TSPOAP1: variants seen among roughly 807,000 people sequenced by gnomAD.
The protein encoded by TSPOAP1 is TSPO associated protein 1.
A neutral mutation model predicts 197.0 loss-of-function variants in TSPOAP1; 87 were observed. The ratio of observed to expected loss-of-function variants is 0.44; its 90% CI spans 0.37 to 0.53. The LOEUF is 0.53. TSPOAP1 is among the 20% of genes least tolerant of loss of function. The pLI is 0.00. For synonymous variants in TSPOAP1, 913 were observed against 998.9 expected (o/e 0.91, Z 1.62); for missense variants, 2,174 against 2,411.3 (o/e 0.90, Z 2.06).
At position 58,327,771 on chromosome 17, in the gene TSPOAP1, C is replaced by A. The variant is rs1003702259; in HGVS notation, c.150G>T (p.Leu50=). The change falls in exon 1 of 32, where the codon CTG becomes CTT. Residue 50 remains leucine (L), a synonymous_variant. Coordinates refer to ENST00000343736, the MANE Select transcript of TSPOAP1 (RefSeq NM_004758.4). ...CCTCAGACCTCAGTTCTTGAAGCTG[C>A]AGAGCTGCCGGAGGAGTATCAGCGA... ...PSIADTPPAA[L]QLQELRSEES... is the part of the protein sequence containing the mutation. The A allele has an allele frequency of 6.2e-7, 1 of 1,614,206 alleles. No homozygotes were observed. The highest frequency in any genetic ancestry group is 8.5e-7 in the Non-Finnish European group (1 of 1,180,046).
Position 58,316,152 on chromosome 17 carries a change from G to T in TSPOAP1, c.1989-20C>A. On this transcript the variant is annotated intron_variant, in intron 15 of 31. Coordinates refer to ENST00000343736, the MANE Select transcript of TSPOAP1 (RefSeq NM_004758.4). ...TTGTAGCTGTTAGGGGAGGCACAGA[G>T]GAGGAGGAGGAGAGTGACCTACACT... 7.1e-7 allele frequency: 1 copy of T among 1,407,006 alleles called. No homozygotes were observed. The highest frequency in any genetic ancestry group is 2.4e-5 in the East Asian group (1 of 41,292). The allele number at this position is 1,407,006 out of a possible 1,614,324, so 87.2% of individuals were successfully genotyped here.
Position 58,307,924 on chromosome 17 carries a change from C to T in TSPOAP1, c.4749G>A (p.Glu1583=). 6.2e-7 allele frequency: 1 copy of T among 1,612,468 alleles called. No homozygotes were observed. Among genetic ancestry groups the T allele is most frequent in the Non-Finnish European group, 8.5e-7 (1 of 1,179,602 alleles). ...EPLSRATETG[E]ARGQDGSGRR... ...GCCCAGAGCCGTCCTGCCCTCTGGC[C>T]TCTCCGGTCTCTGTTGCCTGCAAAA... The change falls in exon 23 of 32, where the codon GAG becomes GAA. Residue 1583 remains glutamate (E), a synonymous_variant. Coordinates refer to ENST00000343736, the MANE Select transcript of TSPOAP1 (RefSeq NM_004758.4).
chr17:58,320,301 G>A (rs965606200), intron 11 of TSPOAP1, among the ~76,000 whole-genome samples, 172 bp from the exon 12 acceptor site: 1 of 152,096 alleles, frequency 6.6e-6, no homozygotes, highest in Non-Finnish European at 1.5e-5. Flanking sequence ...AGCCTCTGGG[G>A]GTGGCAGCAA....
rs2144042107 is a variant in TSPOAP1, at chr17:58,310,023, T to G, written c.3835A>C (p.Thr1279Pro). Residue 1279 changes from threonine to proline, a missense_variant, in exon 21 of 32, where the codon ACT (threonine) becomes CCT (proline). By Grantham distance (38) the Thr-to-Pro change is conservative (BLOSUM62 -1). Around this residue, in one of 5 missense-constraint regions of TSPOAP1, gnomAD observed 1,933 missense variants for 2,139.0 expected, o/e 0.90. Transcript: ENST00000343736. ...EEEEEELGSRTCSFQKQVAGN... is the reference protein window; with the variant it reads ...EEEEEELGSRPCSFQKQVAGN... ...GCAACCTGCTTCTGGAAGGAGCAAG[T>G]CCTGGAACCCAGCTCCTCTTCCTCC... 6.2e-7 allele frequency: 1 copy of G among 1,613,708 alleles called. No homozygotes were observed. The highest frequency in any genetic ancestry group is 8.5e-7 in the Non-Finnish European group (1 of 1,179,972).
intron 10 of TSPOAP1, among the ~76,000 whole-genome samples, chr17:58,321,739 G>T (rs2526379): frequency 0.12 from 18,735 of 152,160 alleles, 1,456 homozygotes; most frequent in Non-Finnish European, 0.17. Context: ...TGCTCCCACA[G>T]TCCACCCTCC....
At chr17:58,320,879 C>T (rs1263818400) in intron 10 of TSPOAP1, among the ~76,000 whole-genome samples, 2 of 152,114 alleles carry the variant, frequency 1.3e-5, no homozygotes, top group African/African-American at 4.8e-5. Context: ...TCCCCCCTAC[C>T]TCTCTGGATG....
intron 25 of TSPOAP1, 149 bp from the exon 26 acceptor site, chr17:58,306,562 A>G: frequency 1.1e-6 from 1 of 937,940 alleles, no homozygotes; most frequent in Non-Finnish European, 1.6e-6. Context: ...GCCCCACCCA[A>G]CCTCCAGGAC....
Position 58,311,684 on chromosome 17 carries a change from C to T in TSPOAP1, c.2968G>A (p.Gly990Arg), listed in dbSNP as rs760032071. ...ATGATCAAGATCCCAGGGGAGGGCC[C>T]AGGCTCGATCTGCACATCCAGAGGG... ...DAPLDVQIEP[G>R]PSPGILIISW... The change falls in exon 18 of 32, where the codon GGG becomes AGG. Residue 990 changes from glycine to arginine, a missense_variant. By Grantham distance (125) the Gly-to-Arg change is moderately radical. Coordinates refer to ENST00000343736, the MANE Select transcript of TSPOAP1 (RefSeq NM_004758.4). The T allele has an allele frequency of 6.9e-6, 11 of 1,602,166 alleles. No homozygotes were observed. In the East Asian group the frequency reaches 2.5e-4, roughly 36 times the overall value.
In TSPOAP1 at chr17:58,308,831, C is replaced by T; in HGVS notation, c.4441G>A (p.Ala1481Thr). The T allele has an allele frequency of 6.2e-7, 1 of 1,612,122 alleles. No homozygotes were observed. ...CAGCTGGCCAGGCCAGGCTCCAGCG[C>T]CCGGCCACGGGAGCACCTCCGGGAA... ...GPSRRCSRGR[A>T]LEPGLASCLS... Residue 1481 changes from alanine to threonine, a missense_variant, in exon 22 of 32, where the codon GCG becomes ACG. Ala to Thr is a moderately conservative substitution (Grantham distance 58). This residue lies in a region of TSPOAP1 where 1,933 missense variants were observed against 2,139.0 expected (regional missense o/e 0.90). Coordinates refer to ENST00000343736, the MANE Select transcript of TSPOAP1 (RefSeq NM_004758.4).
At chr17:58,306,294 C>CA (rs1567838273) in intron 26 of TSPOAP1, 48 bp downstream of exon 26, 5 of 1,507,668 alleles carry the variant, frequency 3.3e-6, no homozygotes, top group African/African-American at 1.4e-5. Context: ...GCCACCCCAC[C>CA]GCACACACAT....
At position 58,310,877 on chromosome 17, in the gene TSPOAP1, C is replaced by G. The variant is rs2680704; in HGVS notation, c.3418G>C (p.Ala1140Pro). ...APPASPSREM[A>P]KGSHEDPPAP... ...GGAGGGTCCTCGTGGGACCCTTTTG[C>G]CATCTCTCTGGAAGGGCTTGCAGGG... is the stretch of plus-strand genomic sequence containing the variant. Residue 1140 changes from alanine (A) to proline (P), a missense_variant, in exon 19 of 32, where the codon GCA (alanine) becomes CCA (proline). Ala to Pro is a conservative substitution (Grantham distance 27, BLOSUM62 -1). This residue lies in a region of TSPOAP1 where 1,933 missense variants were observed against 2,139.0 expected (regional missense o/e 0.90). Coordinates refer to ENST00000343736, the MANE Select transcript of TSPOAP1 (RefSeq NM_004758.4). 0.29 allele frequency: 444,872 copies of G among 1,535,796 alleles called. 65,323 individuals carry two copies. The highest frequency in any genetic ancestry group is 0.3 in the Non-Finnish European group (342,615 of 1,144,990).
Position 58,310,638 on chromosome 17 carries a change from G to C in TSPOAP1, c.3573C>G (p.Ala1191=), listed in dbSNP as rs61745775. 6.2e-7 allele frequency: 1 copy of C among 1,613,072 alleles called. No homozygotes were observed. Among genetic ancestry groups the C allele is most frequent in the South Asian group, 1.1e-5 (1 of 91,072 alleles). The change falls in exon 20 of 32, where the codon GCC becomes GCG. Residue 1191 remains alanine (A), a synonymous_variant. Coordinates refer to ENST00000343736, the MANE Select transcript of TSPOAP1 (RefSeq NM_004758.4). ...GACAGGCCTCTCCTGCAGTCCACTC[G>C]GCCTCCTGCTTGGCCAGTGAGGGAG... ...PAAPSLAKQE[A]EWTAGEACPA...
At position 58,322,464 on chromosome 17, in the gene TSPOAP1, G is replaced by A. The variant is rs1385775950; in HGVS notation, c.1318-52C>T. On this transcript the variant is annotated intron_variant, in intron 9 of 31. Coordinates refer to ENST00000343736, the MANE Select transcript of TSPOAP1 (RefSeq NM_004758.4). This position sits in a 1 kb window ranked among gnomAD's most constrained non-coding sequence, Gnocchi z 5.0. The stretch of plus-strand genomic sequence containing the variant: ...CAGAGCCCCTACTTGGCCATTTCTA[G>A]AGAAGATCTAAGATGAGGAAGCCTC... 1.9e-6 allele frequency: 3 copies of A among 1,590,522 alleles called. No homozygotes were observed. The highest frequency in any genetic ancestry group is 1.7e-4 in the Middle Eastern group (1 of 6,016).
At chr17:58,306,506 A>G in intron 25 of TSPOAP1, 93 bp from the exon 26 acceptor site, 1 of 1,229,930 alleles carries the variant, frequency 8.1e-7, no homozygotes, top group Non-Finnish European at 1.1e-6. Flanking sequence ...GTGCTAGGTT[A>G]CTGAGCTTGT....
At chr17:58,311,318 A>C in intron 18 of TSPOAP1, 105 bp from the exon 19 acceptor site, 1 of 1,484,214 alleles carries the variant, frequency 6.7e-7, no homozygotes, top group Non-Finnish European at 9.1e-7. Flanking sequence ...GGCAGCTAGC[A>C]TTACGCCAGG....
At position 58,328,015 on chromosome 17, in the gene TSPOAP1, C is replaced by T. The variant is rs1971709105; in HGVS notation, c.-95G>A. Reference sequence around the variant, plus strand: ...GTCATGCCAGGCCAGCCCCTCTCCCCTCTGAGCTCTTGCTTCACCGACGCT... The same window carrying T: ...GTCATGCCAGGCCAGCCCCTCTCCCTTCTGAGCTCTTGCTTCACCGACGCT... On this transcript the variant is annotated 5_prime_UTR_variant, in exon 1 of 32. Transcript: ENST00000343736. The surrounding 1 kb of genome is among the most constrained non-coding windows in gnomAD (Gnocchi z 4.3). The T allele has an allele frequency of 1.8e-6, 2 of 1,112,910 alleles. No homozygotes were observed. The highest frequency in any genetic ancestry group is 2.5e-6 in the Non-Finnish European group (2 of 801,548). The allele number at this position is 1,112,910 out of a possible 1,614,324, so 68.9% of individuals were successfully genotyped here.
At chr17:58,305,325 A>G in intron 29 of TSPOAP1, 62 bp downstream of exon 29, 1 of 1,584,160 alleles carries the variant, frequency 6.3e-7, no homozygotes, top group Non-Finnish European at 8.7e-7. Context: ...TTCCTTGCCT[A>G]TCCCCCTGTC....
chr17:58,311,566 T>C lies in TSPOAP1; in HGVS notation c.3081+5A>G, dbSNP rs2072144. On this transcript the variant is annotated splice_donor_5th_base_variant and intron_variant, in intron 18 of 31. Transcript: ENST00000343736. ...ACTCCCAGGGTACAGTGGGCAGGGC[T>C]ATACCTTCTGCCCATCAGCGTAGAT... The C allele has an allele frequency of 0.3, 466,544 of 1,567,054 alleles. 70,351 individuals are homozygous for C. Among genetic ancestry groups the C allele is most frequent in the African/African-American group, 0.33 (24,522 of 73,966 alleles).
chr17:58,323,361 C>T lies in TSPOAP1; in HGVS notation c.1041G>A (p.Lys347=). ...VQQLESELSK[K]RKKCESLEQE... ...GCTCCAGGCTCTCGCATTTCTTCCG[C>T]TTCTTGCTGAGCTCCGATTCCTGAG... The change falls in exon 7 of 32, where the codon AAG becomes AAA. Residue 347 remains lysine (K), a synonymous_variant. Coordinates refer to ENST00000343736, the MANE Select transcript of TSPOAP1 (RefSeq NM_004758.4). 1 of 1,614,244 alleles carries T rather than the reference C, an allele frequency of 6.2e-7. No homozygotes were observed. The highest frequency in any genetic ancestry group is 8.5e-7 in the Non-Finnish European group (1 of 1,180,022).
Sources: gnomAD v4.1 joint callset for allele counts (sites outside exome capture counted in the v4.1 genomes callset) on GRCh38, gnomAD v4.1.1 for gene constraint, gnomAD v4.1.1 regional missense constraint, Gnocchi (gnomAD v3.1) non-coding constraint, MANE v1.5 for transcripts, NCBI Gene and HGNC (gene_info 2026-07-23, HGNC 2026-07-21) for gene names.